EIF4E1B: variants seen among roughly 807,000 people sequenced by gnomAD.
EIF4E1B encodes the protein eukaryotic translation initiation factor 4E family member 1B, also known as eukaryotic translation initiation factor 4E type 1B.
Under a neutral mutation model 31.3 loss-of-function variants are expected in EIF4E1B, and 22 were observed. That is an observed-to-expected ratio of 0.70 (90% CI 0.50 to 1.00). The LOEUF (loss-of-function observed/expected upper bound fraction) is 1.00, where lower values mean the gene tolerates loss of function less well. Among genes scored for constraint, EIF4E1B ranks in the 50% least tolerant of loss-of-function variants. EIF4E1B has a pLI of 0.00. For missense variants in EIF4E1B, 290 were observed against 311.6 expected (o/e 0.93, Z 0.52); for synonymous variants, 126 against 120.2 (o/e 1.05, Z -0.31).
intron 1 of EIF4E1B, among the ~76,000 whole-genome samples, chr5:176,636,315 G>A (rs959428728): frequency 6.6e-6 from 1 of 152,222 alleles, no homozygotes; most frequent in Non-Finnish European, 1.5e-5. Context: ...GGCCACCTGC[G>A]AGCCTCAGGA....
rs1760521712 is a variant in EIF4E1B at position 176,638,065 on chromosome 5, AG to A, written c.-201-3975del. Among the ~76,000 whole-genome samples, 1 of 152,156 alleles carries A rather than the reference AG, an allele frequency of 6.6e-6. No homozygotes were observed. Among genetic ancestry groups the A allele is most frequent in the African/African-American group, 2.4e-5 (1 of 41,428 alleles). Reference sequence around the variant, plus strand: ...CAGCGTTTTCGGCTGAGCAGTTGGAAGGGTGGAGAAGACGGTTGGAAGAACA... The same window carrying A: ...CAGCGTTTTCGGCTGAGCAGTTGGAAGGTGGAGAAGACGGTTGGAAGAACA... On this transcript the variant is annotated intron_variant, in intron 1 of 8. Transcript: ENST00000318682. This position sits in a 1 kb window ranked among gnomAD's most constrained non-coding sequence, Gnocchi z 4.3.
At chr5:176,634,602 A>G (rs1197269389) in intron 1 of EIF4E1B, among the ~76,000 whole-genome samples, 1 of 151,804 alleles carries the variant, frequency 6.6e-6, no homozygotes, top group African/African-American at 2.4e-5. Context: ...ATAACTTTAT[A>G]TAATTTAATT....
chr5:176,642,892 G>C, intron 3 of EIF4E1B, 90 bp downstream of exon 3: 2 of 1,524,640 alleles, frequency 1.3e-6, no homozygotes, highest in East Asian at 5.0e-5. Flanking sequence ...GCAGGTGCTG[G>C]TGGGTTAAAA....
Position 176,642,697 on chromosome 5 carries a change from C to A in EIF4E1B, c.-78-13C>A. 1 of 1,533,626 alleles carries A rather than the reference C, an allele frequency of 6.5e-7. No individual in the cohort carries two copies. On this transcript the variant is annotated splice_polypyrimidine_tract_variant and intron_variant, in intron 2 of 8. Coordinates refer to ENST00000318682, the MANE Select transcript of EIF4E1B (RefSeq NM_001099408.2). ...CCTTCGAGCAGGCTCCAAATATTGA[C>A]GCTTACCTTCAGGTCTTGGCCCCCA...
chr5:176,645,891 C>T lies in EIF4E1B; in HGVS notation c.640C>T (p.Leu214Phe). ...GCGTGTATACAAAGAGCGCCTGGGC[C>T]TCTCCCCAAAGACCATCATTGGGTA... ...VGRVYKERLG[L>F]SPKTIIGYQA... Residue 214 changes from leucine (L) to phenylalanine (F), a missense_variant, in exon 9 of 9, where the codon CTC (leucine) becomes TTC (phenylalanine). Transcript: ENST00000318682. The surrounding 1 kb of genome is among the most constrained non-coding windows in gnomAD (Gnocchi z 5.4). 1 of 1,604,066 alleles carries T rather than the reference C, an allele frequency of 6.2e-7. No individual in the cohort carries two copies. The highest frequency in any genetic ancestry group is 8.5e-7 in the Non-Finnish European group (1 of 1,175,536).
At chr5:176,641,425 G>C (rs1760575346) in intron 1 of EIF4E1B, among the ~76,000 whole-genome samples, 1 of 152,214 alleles carries the variant, frequency 6.6e-6, no homozygotes, top group African/African-American at 2.4e-5. Context: ...AGCAGCGTGT[G>C]ATGAGCAAGC....
At chr5:176,643,553 G>T in intron 4 of EIF4E1B, 86 bp from the exon 5 acceptor site, 1 of 1,329,078 alleles carries the variant, frequency 7.5e-7, no homozygotes, top group Non-Finnish European at 1.1e-6. Context: ...CCCTTGAAGG[G>T]GAGGGTCCTC....
intron 5 of EIF4E1B, 60 bp from the exon 6 acceptor site, chr5:176,644,316 A>C: frequency 1.3e-6 from 2 of 1,527,726 alleles, no homozygotes; most frequent in Non-Finnish European, 1.8e-6. Flanking sequence ...GGCTGAACCC[A>C]GTTGGAACCA....
chr5:176,645,678 CT>C lies in EIF4E1B; in HGVS notation c.614+165del. 8.2e-7 allele frequency: 1 copy of C among 1,216,570 alleles called. No individual in the cohort carries two copies. Among genetic ancestry groups the C allele is most frequent in the Non-Finnish European group, 1.1e-6 (1 of 895,772 alleles). The allele number at this position is 1,216,570 out of a possible 1,614,324, so 75.4% of individuals were successfully genotyped here. A position where few individuals can be genotyped will look rare whatever the true frequency, so the allele number is the denominator to read the frequency against. Reference sequence around the variant, plus strand: ...GAAGGTCTGGCGTTCAGATTTCTAACTTTCTCTTACGGCAGTGCAGCTCTCC... The same window carrying C: ...GAAGGTCTGGCGTTCAGATTTCTAACTTCTCTTACGGCAGTGCAGCTCTCC... On this transcript the variant is annotated intron_variant, in intron 8 of 8. Coordinates refer to ENST00000318682, the MANE Select transcript of EIF4E1B (RefSeq NM_001099408.2). This position sits in a 1 kb window ranked among gnomAD's most constrained non-coding sequence, Gnocchi z 5.4.
intron 1 of EIF4E1B, among the ~76,000 whole-genome samples, chr5:176,640,571 G>A (rs538944799): frequency 3.3e-4 from 50 of 152,056 alleles, no homozygotes; most frequent in South Asian, 2.1e-4. Context: ...CTTCTCTGCC[G>A]CCCCCTCTGT....
chr5:176,642,851 T>C lies in EIF4E1B; in HGVS notation c.15+49T>C, dbSNP rs577075780. ...CCCAGTGCACCATGGCCCCGCCCTC[T>C]CCCCCCCCCCCCCCGCCCCAGGTGG... On this transcript the variant is annotated intron_variant, in intron 3 of 8. Coordinates refer to ENST00000318682, the MANE Select transcript of EIF4E1B (RefSeq NM_001099408.2). 2.8e-3 allele frequency: 2,785 copies of C among 995,714 alleles called. 1 individual carries two copies. Among genetic ancestry groups the C allele is most frequent in the East Asian group, 0.014 (250 of 17,594 alleles). The allele number at this position is 995,714 out of a possible 1,614,324, so 61.7% of individuals were successfully genotyped here. A position where few individuals can be genotyped will look rare whatever the true frequency, so the allele number is the denominator to read the frequency against.
At position 176,638,098 on chromosome 5, in the gene EIF4E1B, G is replaced by C. The variant is rs1440705551; in HGVS notation, c.-201-3945G>C. Among the ~76,000 whole-genome samples the C allele has an allele frequency of 6.6e-6, 1 of 152,194 alleles. No homozygotes were observed. The highest frequency in any genetic ancestry group is 1.5e-5 in the Non-Finnish European group (1 of 68,030). ...GAAGACGGTTGGAAGAACAAGTCTGGAGCGGGGCAGAGGAGGTGTCAGGAA... is the reference window on the plus strand; with the variant it reads ...GAAGACGGTTGGAAGAACAAGTCTGCAGCGGGGCAGAGGAGGTGTCAGGAA... On this transcript the variant is annotated intron_variant, in intron 1 of 8. Transcript: ENST00000318682. This position sits in a 1 kb window ranked among gnomAD's most constrained non-coding sequence, Gnocchi z 4.3.
Position 176,643,250 on chromosome 5 carries a change from C to T in EIF4E1B, c.184C>T (p.His62Tyr), listed in dbSNP as rs942366045. 6.2e-7 allele frequency: 1 copy of T among 1,612,286 alleles called. No homozygotes were observed. Among genetic ancestry groups the T allele is most frequent in the East Asian group, 2.2e-5 (1 of 44,874 alleles). The change falls in exon 4 of 9, where the codon CAC becomes TAC. Residue 62 changes from histidine (H) to tyrosine (Y), a missense_variant. Coordinates refer to ENST00000318682, the MANE Select transcript of EIF4E1B (RefSeq NM_001099408.2). ...CCCCATGGAAGTCAAGCTGGAGCTG[C>T]ACCCCTTGCAGAACAGGTAGGCAGG... is the stretch of plus-strand genomic sequence containing the variant. ...GGPMEVKLEL[H>Y]PLQNRWALWF...
At chr5:176,631,752 G>T (rs1447602688) in intron 1 of EIF4E1B, among the ~76,000 whole-genome samples, 1 of 152,138 alleles carries the variant, frequency 6.6e-6, no homozygotes, top group Non-Finnish European at 1.5e-5. Context: ...AGGCAATCTG[G>T]CAATGTTTAC....
rs756296646 is a variant in EIF4E1B, at chr5:176,642,851, TCC to T, written c.15+62_15+63del. ...CCCAGTGCACCATGGCCCCGCCCTC[TCC>T]CCCCCCCCCCCCGCCCCAGGTGGGC... On this transcript the variant is annotated intron_variant, in intron 3 of 8. Transcript: ENST00000318682. The T allele has an allele frequency of 2.4e-3, 2,337 of 991,166 alleles. 12 individuals carry two copies. The African/African-American group carries it at 0.033, about 14-fold the overall frequency. 61.4% of individuals were successfully genotyped at this position (991,166 alleles called of 1,614,324 possible).
chr5:176,638,572 G>A lies in EIF4E1B; in HGVS notation c.-201-3471G>A, dbSNP rs866647252. Among the ~76,000 whole-genome samples the A allele has an allele frequency of 6.6e-6, 1 of 152,196 alleles. No homozygotes were observed. The highest frequency in any genetic ancestry group is 2.4e-5 in the African/African-American group (1 of 41,456). Reference sequence around the variant, plus strand: ...AGGCCTCTTTGAGAAGGTGACATTTGAGCCAAGCCCAGAAGGACAAGGAGA... The same window carrying A: ...AGGCCTCTTTGAGAAGGTGACATTTAAGCCAAGCCCAGAAGGACAAGGAGA... On this transcript the variant is annotated intron_variant, in intron 1 of 8. Coordinates refer to ENST00000318682, the MANE Select transcript of EIF4E1B (RefSeq NM_001099408.2). The surrounding 1 kb of genome is among the most constrained non-coding windows in gnomAD (Gnocchi z 4.3).
In EIF4E1B at chr5:176,645,781, G is replaced by A; in HGVS notation, c.615-85G>A. ...AGGTGTGGCTGTGGCCAGAATGAGG[G>A]TAGGAGTCTGGTGGCCTAAGTTATC... On this transcript the variant is annotated intron_variant, in intron 8 of 8. Coordinates refer to ENST00000318682, the MANE Select transcript of EIF4E1B (RefSeq NM_001099408.2). The surrounding 1 kb of genome is among the most constrained non-coding windows in gnomAD (Gnocchi z 5.4). The A allele has an allele frequency of 1.6e-6, 2 of 1,266,662 alleles. No individual in the cohort carries two copies. The highest frequency in any genetic ancestry group is 2.2e-6 in the Non-Finnish European group (2 of 922,866). The allele number at this position is 1,266,662 out of a possible 1,614,324, so 78.5% of individuals were successfully genotyped here.
chr5:176,645,508 G>A lies in EIF4E1B; in HGVS notation c.606G>A (p.Leu202=). 1 of 1,516,530 alleles carries A rather than the reference G, an allele frequency of 6.6e-7. No individual in the cohort carries two copies. The highest frequency in any genetic ancestry group is 8.8e-7 in the Non-Finnish European group (1 of 1,134,490). 93.9% of individuals were successfully genotyped at this position (1,516,530 alleles called of 1,614,324 possible). Residue 202 remains leucine, a synonymous_variant, in exon 8 of 9, where the codon CTG becomes CTA. Transcript: ENST00000318682. This position sits in a 1 kb window ranked among gnomAD's most constrained non-coding sequence, Gnocchi z 5.4. The part of the protein sequence containing the change: ...TREAENQAGV[L]HVGRVYKERL... ...AGGCGGAAAACCAGGCGGGCGTGCT[G>A]CACGTTGGGTGAGGAGGGTCTCTGG...
At chr5:176,634,739 G>A (rs976206255) in intron 1 of EIF4E1B, among the ~76,000 whole-genome samples, 1 of 146,142 alleles carries the variant, frequency 6.8e-6, no homozygotes, top group Non-Finnish European at 1.5e-5. Context: ...GCGTGATGTC[G>A]GCTCACTGCA....
Sources: allele counts gnomAD v4.1 joint callset (sites outside exome capture counted in the v4.1 genomes callset), GRCh38; gene constraint gnomAD v4.1.1; non-coding constraint Gnocchi (gnomAD v3.1); transcripts MANE v1.5; gene names NCBI Gene and HGNC (gene_info 2026-07-23, HGNC 2026-07-21).